SNAP91: variants seen among roughly 807,000 people sequenced by gnomAD.
SNAP91 encodes the protein synaptosome associated protein 91, also known as clathrin coat assembly protein AP180.
In SNAP91, 27 loss-of-function variants were observed where a neutral mutation model predicts 100.3. The observed-to-expected ratio is 0.27, with a 90% CI of 0.20 to 0.37. The LOEUF (loss-of-function observed/expected upper bound fraction) is 0.37. Ranked by LOEUF, SNAP91 falls within the 10% of genes least tolerant of loss-of-function variation. SNAP91 has a pLI of 1.00. For synonymous variants in SNAP91, 404 were observed against 398.6 expected (o/e 1.01, Z -0.16); for missense variants, 986 against 1,123.7 (o/e 0.88, Z 1.75).
In SNAP91 at chr6:83,641,206, G is replaced by C. The variant is rs749557448; in HGVS notation, c.659-4C>G. 3 of 1,348,478 alleles carry C rather than the reference G, an allele frequency of 2.2e-6. No individual in the cohort carries two copies. The highest frequency in any genetic ancestry group is 1.4e-5 in the South Asian group (1 of 70,038). 83.5% of individuals were successfully genotyped at this position (1,348,478 alleles called of 1,614,324 possible). A position where few individuals can be genotyped will look rare whatever the true frequency, so the allele number is the denominator to read the frequency against. ...TTCTTCATTTCAAAAAACTTTTCTAGAGAAGATAAAGAGATAAGCAATTTG... is the reference window on the plus strand; with the variant it reads ...TTCTTCATTTCAAAAAACTTTTCTACAGAAGATAAAGAGATAAGCAATTTG... On this transcript the variant is annotated splice_region_variant and splice_polypyrimidine_tract_variant and intron_variant, in intron 7 of 29. Coordinates refer to ENST00000369694, the MANE Select transcript of SNAP91 (RefSeq NM_001242792.2).
chr6:83,583,974 T>A (rs1176864132), intron 22 of SNAP91, among the ~76,000 whole-genome samples: 1 of 152,176 alleles, frequency 6.6e-6, no homozygotes, highest in African/African-American at 2.4e-5. Context: ...TTAAGTGATT[T>A]TAGTATTTGA....
intron 1 of SNAP91, 200 bp from the exon 2 acceptor site, chr6:83,708,157 A>T: frequency 2.1e-6 from 1 of 480,136 alleles, no homozygotes; most frequent in Non-Finnish European, 3.6e-6. Context: ...TAGGGCCGTC[A>T]CGGAACCCCA....
Position 83,593,477 on chromosome 6 carries a change from C to G in SNAP91, c.1696+1G>C, listed in dbSNP as rs1245545139. The G allele has an allele frequency of 6.5e-7, 1 of 1,549,800 alleles. No individual in the cohort carries two copies. Among genetic ancestry groups the G allele is most frequent in the Non-Finnish European group, 8.7e-7 (1 of 1,145,536 alleles). On this transcript the variant is annotated splice_donor_variant, in intron 18 of 29. Coordinates refer to ENST00000369694, the MANE Select transcript of SNAP91 (RefSeq NM_001242792.2). LOFTEE classifies it high-confidence loss of function. ...GGTCGACAACAATAACAAAAAATTA[C>G]CACCAAAGATATCTAGAGCAGGAGG...
intron 6 of SNAP91, among the ~76,000 whole-genome samples, chr6:83,658,336 G>A (rs945166433): frequency 2.0e-5 from 3 of 152,264 alleles, no homozygotes; most frequent in Admixed American, 2.0e-4. Flanking sequence ...TAGGCCAGGC[G>A]TGGTGGCTCA....
At chr6:83,589,265 A>G (rs1026505430) in intron 22 of SNAP91, among the ~76,000 whole-genome samples, 7 of 152,210 alleles carry the variant, frequency 4.6e-5, no homozygotes, top group African/African-American at 1.7e-4. Context: ...CCTGGATAAA[A>G]GCCAGGCAAA....
intron 24 of SNAP91, among the ~76,000 whole-genome samples, chr6:83,578,157 A>G (rs924736789): frequency 3.9e-5 from 6 of 152,072 alleles, no homozygotes; most frequent in Non-Finnish European, 8.8e-5. Flanking sequence ...TTTGGTTATT[A>G]TGAATAACAA....
At chr6:83,616,351 GA>G (rs2096485342) in intron 10 of SNAP91, among the ~76,000 whole-genome samples, 1 of 152,166 alleles carries the variant, frequency 6.6e-6, no homozygotes, top group Admixed American at 6.5e-5. Context: ...AAAAAAAAAG[GA>G]ACCTGGACAT....
chr6:83,662,717 A>G (rs971011411), intron 3 of SNAP91, among the ~76,000 whole-genome samples: 7 of 152,164 alleles, frequency 4.6e-5, no homozygotes, highest in Non-Finnish European at 7.4e-5. Flanking sequence ...TCCAAAATAA[A>G]TATCTTACGA....
At chr6:83,626,235 A>C (rs980867370) in intron 8 of SNAP91, among the ~76,000 whole-genome samples, 1 of 152,092 alleles carries the variant, frequency 6.6e-6, no homozygotes, top group Non-Finnish European at 1.5e-5. Context: ...TTTTTGTAAC[A>C]GTATCATGCT....
At chr6:83,601,198 A>G in intron 16 of SNAP91, 73 bp downstream of exon 16, 1 of 1,498,874 alleles carries the variant, frequency 6.7e-7, no homozygotes, top group Non-Finnish European at 9.1e-7. Flanking sequence ...AACGGAAAAA[A>G]TTTTAAAGAC....
intron 14 of SNAP91, among the ~76,000 whole-genome samples, chr6:83,602,826 T>C (rs2095353112): frequency 6.6e-6 from 1 of 152,000 alleles, no homozygotes; most frequent in South Asian, 2.1e-4. Context: ...TTTGTACTAA[T>C]TATAAAAACG....
intron 12 of SNAP91, among the ~76,000 whole-genome samples, chr6:83,609,251 C>T (rs1016075923): frequency 1.3e-5 from 2 of 150,602 alleles, no homozygotes; most frequent in African/African-American, 2.4e-5. Flanking sequence ...TCAATTTGGC[C>T]GAAAAAGAAA....
intron 2 of SNAP91, among the ~76,000 whole-genome samples, chr6:83,678,281 A>C (rs2098937416): frequency 6.6e-6 from 1 of 152,138 alleles, no homozygotes; most frequent in African/African-American, 2.4e-5. Context: ...CCCAACACCG[A>C]TTGACCAGCC....
intron 26 of SNAP91, among the ~76,000 whole-genome samples, chr6:83,573,900 T>G (rs1813268737): frequency 6.6e-6 from 1 of 152,306 alleles, no homozygotes; most frequent in South Asian, 2.1e-4. Flanking sequence ...GGGCAAGGAC[T>G]TCATGTCTAA....
chr6:83,662,018 ATTTC>A (rs556443526), intron 4 of SNAP91, among the ~76,000 whole-genome samples: 3 of 152,112 alleles, frequency 2.0e-5, no homozygotes, highest in Non-Finnish European at 2.9e-5. Flanking sequence ...CACACAAAAC[ATTTC>A]TTTAAGACTC....
At chr6:83,659,198 A>G in intron 5 of SNAP91, 106 bp from the exon 6 acceptor site, 1 of 793,228 alleles carries the variant, frequency 1.3e-6, no homozygotes, top group Non-Finnish European at 2.0e-6. Flanking sequence ...TTTCCTTATT[A>G]ATCCTGTGGG....
At chr6:83,591,712 C>T (rs770700093) in intron 21 of SNAP91, among the ~76,000 whole-genome samples, 5 of 152,146 alleles carry the variant, frequency 3.3e-5, no homozygotes, top group African/African-American at 1.2e-4. Flanking sequence ...ACCTACATGT[C>T]AAGGTTTAGT....
At chr6:83,563,368 CA>C in intron 26 of SNAP91, among the ~76,000 whole-genome samples, 1 of 152,026 alleles carries the variant, frequency 6.6e-6, no homozygotes. Flanking sequence ...ACTAGAAAAG[CA>C]GGGAAATTCC....
intron 8 of SNAP91, among the ~76,000 whole-genome samples, chr6:83,625,888 C>T (rs1352629407): frequency 6.6e-6 from 1 of 151,812 alleles, no homozygotes; most frequent in East Asian, 1.9e-4. Context: ...TCTTAGTTGT[C>T]AATTTTAATT....
Sources: allele counts gnomAD v4.1 joint callset (sites outside exome capture counted in the v4.1 genomes callset), GRCh38; gene constraint gnomAD v4.1.1; transcripts MANE v1.5; gene names NCBI Gene and HGNC (gene_info 2026-07-23, HGNC 2026-07-21).